Variants in FAM81B observed in about 807,000 individuals in gnomAD.
FAM81B encodes protein FAM81B.
A neutral mutation model predicts 58.7 loss-of-function variants in FAM81B; 60 were observed. That is an observed-to-expected ratio of 1.02 (90% CI 0.83 to 1.27). The LOEUF (loss-of-function observed/expected upper bound fraction) is 1.27. Ranked by LOEUF, FAM81B falls within the 50% of genes most tolerant of loss-of-function variation. The probability of loss-of-function intolerance (pLI) is 0.00; values close to 1 mark genes in which losing one functional copy is unlikely to be tolerated. For synonymous variants in FAM81B, 189 were observed against 179.6 expected, an observed-to-expected ratio of 1.05 and a Z score of -0.42; for missense variants, 491 against 522.0, an observed-to-expected ratio of 0.94 and a Z score of 0.58.
Position 95,428,646 on chromosome 5 carries a change from T to C in FAM81B, c.700T>C (p.Phe234Leu), listed in dbSNP as rs773783618. Reference sequence around the variant, plus strand: ...GAAGCTTTCTGGAGACATTCACTTATTCAGGCAAGAGCACCGGCAAATTGA... The same window carrying C: ...GAAGCTTTCTGGAGACATTCACTTACTCAGGCAAGAGCACCGGCAAATTGA... ...IVKLSGDIHL[F>L]RQEHRQIEKA... Residue 234 changes from phenylalanine (F) to leucine (L), a missense_variant, in exon 6 of 10, where the codon TTC becomes CTC. Phe to Leu is a conservative substitution (Grantham distance 22, BLOSUM62 0). Transcript: ENST00000283357. 6.2e-7 allele frequency: 1 copy of C among 1,614,030 alleles called. No homozygotes were observed. Among genetic ancestry groups the C allele is most frequent in the Non-Finnish European group, 8.5e-7 (1 of 1,179,868 alleles).
intron 3 of FAM81B, among the ~76,000 whole-genome samples, chr5:95,403,723 C>A (rs1045447742): frequency 6.6e-6 from 1 of 152,128 alleles, no homozygotes; most frequent in Non-Finnish European, 1.5e-5. Context: ...CAACATTCAG[C>A]GAAGAAGAGG....
intron 2 of FAM81B, among the ~76,000 whole-genome samples, chr5:95,395,042 G>A (rs1761926325): frequency 6.6e-6 from 1 of 151,926 alleles, no homozygotes; most frequent in African/African-American, 2.4e-5. Flanking sequence ...TAACTGAGGT[G>A]GAATACCACT....
At chr5:95,424,021 C>A (rs2152765808) in intron 5 of FAM81B, 1 of 1,289,246 alleles carries the variant, frequency 7.8e-7, no homozygotes, top group Middle Eastern at 2.2e-4. Flanking sequence ...AAGGATGCAA[C>A]CGTGTTCTTT....
At chr5:95,404,449 G>A (rs967380429) in intron 3 of FAM81B, among the ~76,000 whole-genome samples, 3 of 151,720 alleles carry the variant, frequency 2.0e-5, no homozygotes, top group Admixed American at 6.6e-5. Context: ...CTGAGTGTGC[G>A]AGTGTGTGTG....
Position 95,413,851 on chromosome 5 carries a change from A to C in FAM81B, c.294-96A>C. On this transcript the variant is annotated intron_variant, in intron 3 of 9. Coordinates refer to ENST00000283357, the MANE Select transcript of FAM81B (RefSeq NM_152548.3). The stretch of plus-strand genomic sequence containing the variant: ...CTATCAAACTTCTCACAGGGCAAAA[A>C]TAAAGGATCAGAAGTGAGGATTCTA... The C allele has an allele frequency of 4.7e-6, 7 of 1,494,412 alleles. No homozygotes were observed. In the South Asian group the frequency reaches 8.6e-5, roughly 18 times the overall value. 92.6% of individuals were successfully genotyped at this position (1,494,412 alleles called of 1,614,324 possible).
intron 4 of FAM81B, among the ~76,000 whole-genome samples, chr5:95,417,170 T>C (rs979407940): frequency 6.6e-6 from 1 of 152,242 alleles, no homozygotes; most frequent in Non-Finnish European, 1.5e-5. Context: ...TCTTGATACA[T>C]GTTGCCAAAT....
chr5:95,391,458 C>T lies in FAM81B; in HGVS notation c.69C>T (p.Phe23=). 1 of 1,613,502 alleles carries T rather than the reference C, an allele frequency of 6.2e-7. No homozygotes were observed. The highest frequency in any genetic ancestry group is 8.5e-7 in the Non-Finnish European group (1 of 1,179,732). ...EKRKKSQRLF[F]KNIKSTKNKA... The stretch of plus-strand genomic sequence containing the variant: ...GAAAAAAATCACAGAGATTGTTTTT[C>T]AAAAATATCAAATCTACAAAAAATA... The change falls in exon 1 of 10, where the codon TTC becomes TTT. Residue 23 remains phenylalanine, a synonymous_variant. Transcript: ENST00000283357.
intron 7 of FAM81B, among the ~76,000 whole-genome samples, chr5:95,439,512 A>G (rs1745244369): frequency 6.6e-6 from 1 of 151,676 alleles, no homozygotes; most frequent in African/African-American, 2.4e-5. Flanking sequence ...TTGTCTTATC[A>G]ATTTTTAGGA....
intron 8 of FAM81B, among the ~76,000 whole-genome samples, chr5:95,447,936 G>T (rs143862672): frequency 2.1e-4 from 32 of 152,292 alleles, no homozygotes; most frequent in African/African-American, 6.7e-4. Context: ...CCACGTGGAG[G>T]TATGAAATTG....
chr5:95,450,206 T>C lies in FAM81B; in HGVS notation c.1283T>C (p.Met428Thr). The C allele has an allele frequency of 1.2e-5, 19 of 1,613,184 alleles. No individual in the cohort carries two copies. Among genetic ancestry groups the C allele is most frequent in the Non-Finnish European group, 1.5e-5 (18 of 1,179,586 alleles). The change falls in exon 10 of 10, where the codon ATG (methionine) becomes ACG (threonine). Residue 428 changes from methionine to threonine, a missense_variant. Physicochemically the swap from Met to Thr is moderately conservative, Grantham distance 81 (BLOSUM62 -1). Transcript: ENST00000283357. ...SSLQQIQKTK[M>T]DLEKYKVQKD... is the part of the protein sequence containing the mutation. ...CTCCAACAAATACAGAAAACAAAGATGGATTTAGAGAAATATAAAGTACAG... is the reference window on the plus strand; with the variant it reads ...CTCCAACAAATACAGAAAACAAAGACGGATTTAGAGAAATATAAAGTACAG...
chr5:95,440,168 G>T, intron 7 of FAM81B: 1 of 598,708 alleles, frequency 1.7e-6, no homozygotes, highest in South Asian at 1.4e-5. Context: ...CAGAGGTGCT[G>T]ACAAGTCCTT....
In FAM81B at chr5:95,414,082, G is replaced by A; in HGVS notation, c.429G>A (p.Leu143=). 6.2e-7 allele frequency: 1 copy of A among 1,614,090 alleles called. No individual in the cohort carries two copies. Among genetic ancestry groups the A allele is most frequent in the Non-Finnish European group, 8.5e-7 (1 of 1,180,006 alleles). ...FRIKEDISAC[L]QGTHGFRKEE... ...TCAAGGAGGACATCTCTGCTTGCCT[G>A]CAGGGGACCCATGGCTTTCGAAAAG... Residue 143 remains leucine, a synonymous_variant, in exon 4 of 10, where the codon CTG becomes CTA. Transcript: ENST00000283357.
intron 3 of FAM81B, among the ~76,000 whole-genome samples, chr5:95,401,586 A>T (rs1370248819): frequency 1.3e-5 from 2 of 151,682 alleles, no homozygotes; most frequent in Non-Finnish European, 2.9e-5. Context: ...ATTTCACTTC[A>T]GGTTTTTTTT....
chr5:95,418,806 A>T (rs556704871), intron 4 of FAM81B, among the ~76,000 whole-genome samples: 2 of 152,276 alleles, frequency 1.3e-5, no homozygotes, highest in African/African-American at 4.8e-5. Flanking sequence ...GGCTTAATTT[A>T]AAAAATATTT....
intron 6 of FAM81B, among the ~76,000 whole-genome samples, chr5:95,432,572 C>T (rs1295302658): frequency 6.6e-6 from 1 of 151,836 alleles, no homozygotes; most frequent in Non-Finnish European, 1.5e-5. Flanking sequence ...GAGACAAGGT[C>T]TCTTTCTGTT....
chr5:95,447,405 G>A (rs1419106151), intron 8 of FAM81B, among the ~76,000 whole-genome samples: 4 of 152,224 alleles, frequency 2.6e-5, no homozygotes, highest in Admixed American at 1.3e-4. Context: ...GAGTTACAAA[G>A]GAGCCAAGAG....
intron 2 of FAM81B, among the ~76,000 whole-genome samples, chr5:95,395,206 G>T (rs1761931438): frequency 6.6e-6 from 1 of 152,104 alleles, no homozygotes; most frequent in Admixed American, 6.5e-5. Flanking sequence ...TCGGGAGGCT[G>T]AGGCAGGCGG....
chr5:95,392,948 CTTTAAAG>C lies in FAM81B; in HGVS notation c.228+56_228+62del. The C allele has an allele frequency of 2.7e-6, 4 of 1,477,282 alleles. No individual in the cohort carries two copies. In the Admixed American group the frequency reaches 8.9e-5, roughly 33 times the overall value. The allele number at this position is 1,477,282 out of a possible 1,614,324, so 91.5% of individuals were successfully genotyped here. On this transcript the variant is annotated intron_variant, in intron 2 of 9. Transcript: ENST00000283357. The stretch of plus-strand genomic sequence containing the variant: ...AAAAGTAGAATACTTTGCTCAGCTT[CTTTAAAG>C]TTTAGAGTGCTTAGAGAGTTTAAGA...
chr5:95,439,309 G>C (rs1745234500), intron 7 of FAM81B, among the ~76,000 whole-genome samples: 1 of 140,904 alleles, frequency 7.1e-6, no homozygotes. Context: ...ATGTTGTAGG[G>C]TTTTACACTT....
Sources: allele counts gnomAD v4.1 joint callset (sites outside exome capture counted in the v4.1 genomes callset), GRCh38; gene constraint gnomAD v4.1.1; transcripts MANE v1.5; gene names NCBI Gene and HGNC (gene_info 2026-07-23, HGNC 2026-07-21).